The following ZNF276 variants were observed in gnomAD, a reference collection of about 807,000 sequenced individuals.
ZNF276 encodes the protein zinc finger protein 276.
ZNF276 carries 59 observed loss-of-function variants against 63.9 expected under a neutral mutation model. That is an observed-to-expected ratio of 0.92 (90% CI 0.75 to 1.15). The LOEUF (loss-of-function observed/expected upper bound fraction) is 1.15. ZNF276 is among the 50% of genes most tolerant of loss of function. ZNF276 has a pLI of 0.00. For synonymous variants in ZNF276, 496 were observed against 348.4 expected, an observed-to-expected ratio of 1.42 and a Z score of -4.72; for missense variants, 1,084 against 843.8, an observed-to-expected ratio of 1.28 and a Z score of -3.53.
intron 5 of ZNF276, 141 bp downstream of exon 5, chr16:89,727,498 T>C: frequency 1.0e-6 from 1 of 952,582 alleles, no homozygotes; most frequent in South Asian, 1.6e-5. Flanking sequence ...TAGGGTCGGC[T>C]GCCCATGCGC....
At chr16:89,721,298 G>A, upstream of ZNF276, 1 of 250,928 alleles carries the variant, frequency 4.0e-6, no homozygotes. Flanking sequence ...TGAGGGCCGC[G>A]TCGCCTCTCC....
At chr16:89,733,714 G>T (rs2061752411) in intron 8 of ZNF276, among the ~76,000 whole-genome samples, 157 bp downstream of exon 8, 1 of 152,160 alleles carries the variant, frequency 6.6e-6, no homozygotes, top group East Asian at 1.9e-4. Flanking sequence ...TGCCATCCTT[G>T]GGGGTAGATG....
At chr16:89,729,433 T>A in intron 6 of ZNF276, 115 bp downstream of exon 6, 1 of 929,342 alleles carries the variant, frequency 1.1e-6, no homozygotes, top group Non-Finnish European at 1.7e-6. Flanking sequence ...TGTGCGGATC[T>A]CCCGAGCCCA....
upstream of ZNF276, chr16:89,720,799 G>A: frequency 6.8e-7 from 1 of 1,461,422 alleles, no homozygotes; most frequent in Non-Finnish European, 9.1e-7. Flanking sequence ...CGATGGCCCC[G>A]TTGGCAAGCT....
intron 1 of ZNF276, among the ~76,000 whole-genome samples, chr16:89,722,312 C>A (rs940862295): frequency 6.6e-6 from 1 of 152,232 alleles, no homozygotes; most frequent in African/African-American, 2.4e-5. Context: ...GCTGGAGAGG[C>A]CTTAGAGGCC....
In ZNF276 at chr16:89,738,987, C is replaced by A. The variant is rs765136708; in HGVS notation, c.*741C>A. ...CCACGGGGTTGCCCTAGAGAGAAAA[C>A]AGGCAAACTCACAGGTTAGAAGACA... On this transcript the variant is annotated 3_prime_UTR_variant, in exon 11 of 11. Transcript: ENST00000443381. 6.2e-7 allele frequency: 1 copy of A among 1,614,214 alleles called. No homozygotes were observed. Among genetic ancestry groups the A allele is most frequent in the Non-Finnish European group, 8.5e-7 (1 of 1,180,032 alleles).
chr16:89,727,241 C>G, intron 4 of ZNF276, 38 bp from the exon 5 acceptor site: 1 of 1,602,888 alleles, frequency 6.2e-7, no homozygotes, highest in African/African-American at 1.3e-5. Flanking sequence ...TTTCTGTGCT[C>G]CGTGTTGGTA....
At chr16:89,733,638 A>AACTC in intron 8 of ZNF276, 81 bp downstream of exon 8, 3 of 1,524,566 alleles carry the variant, frequency 2.0e-6, no homozygotes, top group South Asian at 2.3e-5. Context: ...TCTGCAGCCT[A>AACTC]ACTCAGACTT....
Position 89,740,083 on chromosome 16 carries a change from G to A in ZNF276, c.*1837G>A, listed in dbSNP as rs370949960. Reference sequence around the variant, plus strand: ...TGCTGCACAAACGTGGAAAGCCTTTGGCAGGTCTGTGGTGCTCTGTAAACC... The same window carrying A: ...TGCTGCACAAACGTGGAAAGCCTTTAGCAGGTCTGTGGTGCTCTGTAAACC... On this transcript the variant is annotated 3_prime_UTR_variant, in exon 11 of 11. Coordinates refer to ENST00000443381, the MANE Select transcript of ZNF276 (RefSeq NM_001113525.2). The A allele has an allele frequency of 1.2e-6, 2 of 1,614,176 alleles. No homozygotes were observed. Among genetic ancestry groups the A allele is most frequent in the South Asian group, 2.2e-5 (2 of 91,076 alleles).
In ZNF276 at chr16:89,722,521, C is replaced by G. The variant is rs573975922; in HGVS notation, c.206-10C>G. 3 of 1,601,442 alleles carry G rather than the reference C, an allele frequency of 1.9e-6. No homozygotes were observed. Among genetic ancestry groups the G allele is most frequent in the Admixed American group, 1.7e-5 (1 of 59,426 alleles). ...TGCCAGCTGCTAACACTTCCTGCCG[C>G]TCTGTGCAGGAGCAGGCCGGGCTCT... is the stretch of plus-strand genomic sequence containing the variant. On this transcript the variant is annotated splice_polypyrimidine_tract_variant and intron_variant, in intron 1 of 10. Transcript: ENST00000443381.
At chr16:89,724,839 T>G (rs1237153703) in intron 4 of ZNF276, among the ~76,000 whole-genome samples, 2 of 152,198 alleles carry the variant, frequency 1.3e-5, no homozygotes, top group African/African-American at 4.8e-5. Context: ...CCTACCTATC[T>G]ATCTTCCTAC....
chr16:89,725,744 T>G (rs1335098338), intron 4 of ZNF276, among the ~76,000 whole-genome samples: 1 of 152,034 alleles, frequency 6.6e-6, no homozygotes, highest in Non-Finnish European at 1.5e-5. Context: ...TGAGCTGAGA[T>G]TCTACCACTA....
In ZNF276 at chr16:89,723,394, G is replaced by C; in HGVS notation, c.691G>C (p.Val231Leu). The change falls in exon 4 of 11, where the codon GTG (valine) becomes CTG (leucine). Residue 231 changes from valine (V) to leucine (L), a missense_variant. Val to Leu is a conservative substitution (Grantham distance 32). Coordinates refer to ENST00000443381, the MANE Select transcript of ZNF276 (RefSeq NM_001113525.2). ...SSEYCGVIQV[V>L]WGCDQGHDYT... ...CGAGTACTGCGGCGTCATCCAGGTC[G>C]TGTGGGGCTGCGACCAGGGCCACGA... The C allele has an allele frequency of 5.6e-6, 9 of 1,612,984 alleles. No homozygotes were observed. Among genetic ancestry groups the C allele is most frequent in the Non-Finnish European group, 7.6e-6 (9 of 1,180,020 alleles).
rs375832040 is a variant in ZNF276 at position 89,734,042 on chromosome 16, C to A, written c.1474+4C>A. The A allele has an allele frequency of 6.2e-7, 1 of 1,613,100 alleles. No individual in the cohort carries two copies. Among genetic ancestry groups the A allele is most frequent in the African/African-American group, 1.3e-5 (1 of 75,056 alleles). On this transcript the variant is annotated splice_donor_region_variant and intron_variant, in intron 9 of 10. Transcript: ENST00000443381. ...CACGTGAAGCTCATCCACACAGGTA[C>A]GCCTATCGCCAGTGTCGCCCACGCG...
chr16:89,723,019 G>A (rs968924821), intron 2 of ZNF276, 118 bp from the exon 3 acceptor site: 1 of 1,599,782 alleles, frequency 6.3e-7, no homozygotes, highest in Non-Finnish European at 8.5e-7. Flanking sequence ...TGGGGTGAGG[G>A]AAGAGAAAGT....
At chr16:89,722,492 C>T (rs781537216) in intron 1 of ZNF276, 39 bp from the exon 2 acceptor site, 3 of 1,573,656 alleles carry the variant, frequency 1.9e-6, no homozygotes, top group African/African-American at 1.3e-5. Context: ...TCAGGAGCCT[C>T]CTTTGCCAGC....
intron 4 of ZNF276, among the ~76,000 whole-genome samples, chr16:89,724,880 C>T (rs539162715): frequency 6.6e-5 from 10 of 152,224 alleles, no homozygotes; most frequent in African/African-American, 1.4e-4. Context: ...ACCTACCTAT[C>T]TGTATATCTA....
rs374380905 is a variant in ZNF276, at chr16:89,730,548, CTG to C, written c.1169+1234_1169+1235del. ...CTGTGACAGGGACAGCACACTCAGA[CTG>C]TGTCACTAGTCCCTCTGGGACCCCA... On this transcript the variant is annotated intron_variant, in intron 6 of 10. Coordinates refer to ENST00000443381, the MANE Select transcript of ZNF276 (RefSeq NM_001113525.2). 1.4e-3 allele frequency among the ~76,000 whole-genome samples: 219 copies of C among 152,340 alleles called. 1 individual carries two copies. Among genetic ancestry groups the C allele is most frequent in the African/African-American group, 5.1e-3 (210 of 41,580 alleles).
At position 89,740,016 on chromosome 16, in the gene ZNF276, T is replaced by A. The variant is rs545021222; in HGVS notation, c.*1770T>A. ...TACCACTCTCTGTCAACTGAAAGAG[T>A]GCCAGCCAGGATATCTTCCTCTTCT... On this transcript the variant is annotated 3_prime_UTR_variant, in exon 11 of 11. Transcript: ENST00000443381. The A allele has an allele frequency of 1.2e-6, 2 of 1,614,082 alleles. No homozygotes were observed. The highest frequency in any genetic ancestry group is 1.7e-6 in the Non-Finnish European group (2 of 1,179,982).
Sources: allele counts gnomAD v4.1 joint callset (sites outside exome capture counted in the v4.1 genomes callset), GRCh38; gene constraint gnomAD v4.1.1; transcripts MANE v1.5; gene names NCBI Gene and HGNC (gene_info 2026-07-23, HGNC 2026-07-21).